TRIP11: variants seen among roughly 807,000 people sequenced by gnomAD.
TRIP11 encodes thyroid receptor-interacting protein 11.
TRIP11 carries 148 observed loss-of-function variants against 223.1 expected under a neutral mutation model. The ratio of observed to expected loss-of-function variants is 0.66; its 90% CI spans 0.58 to 0.76. The LOEUF is 0.76. TRIP11 is among the 30% of genes least tolerant of loss of function. The pLI, the probability that TRIP11 is intolerant of heterozygous loss-of-function variation, is 0.00. For synonymous variants in TRIP11, 762 were observed against 772.6 expected, an observed-to-expected ratio of 0.99 and a Z score of 0.23; for missense variants, 2,043 against 2,222.0, an observed-to-expected ratio of 0.92 and a Z score of 1.62.
intron 7 of TRIP11, among the ~76,000 whole-genome samples, chr14:92,013,050 T>C (rs942706988): frequency 2.0e-5 from 3 of 152,120 alleles, no homozygotes; most frequent in South Asian, 2.1e-4. Flanking sequence ...GGGCAGATCA[T>C]GAGGTCAAGA....
chr14:91,995,394 A>G lies in TRIP11; in HGVS notation c.5014T>C (p.Ser1672Pro), dbSNP rs756149498. 2 of 1,614,046 alleles carry G rather than the reference A, an allele frequency of 1.2e-6. No individual in the cohort carries two copies. The highest frequency in any genetic ancestry group is 1.7e-6 in the Non-Finnish European group (2 of 1,179,992). ...SQEQVKQYAL[S>P]LANLQMVLEH... ...AGTACCATCTGCAGGTTGGCCAGTG[A>G]CAGAGCATACTGCTTTACTTGTTCC... Residue 1672 changes from serine (S) to proline (P), a missense_variant, in exon 14 of 21, where the codon TCA (serine) becomes CCA (proline). Transcript: ENST00000267622.
intron 3 of TRIP11, 125 bp from the exon 4 acceptor site, chr14:92,021,956 T>A (rs1443878435): frequency 2.0e-6 from 2 of 999,206 alleles, no homozygotes; most frequent in Admixed American, 2.1e-5. Flanking sequence ...TGGTCCTCTA[T>A]CAACTGAATC....
chr14:91,994,228 T>C (rs777856947), intron 14 of TRIP11, among the ~76,000 whole-genome samples: 1 of 151,820 alleles, frequency 6.6e-6, no homozygotes, highest in Non-Finnish European at 1.5e-5. Flanking sequence ...CTCTAATAAT[T>C]ACATTATACT....
Position 91,997,175 on chromosome 14 carries a change from G to A in TRIP11, c.4893-1660C>T, listed in dbSNP as rs536647288. ...CAGTGGGTGATTGTAGGAATGAAAT[G>A]AGCTATGATGGCACTCTAGAAGTTA... On this transcript the variant is annotated intron_variant, in intron 13 of 20. Transcript: ENST00000267622. 7.2e-5 allele frequency among the ~76,000 whole-genome samples: 11 copies of A among 152,312 alleles called. No homozygotes were observed. In the East Asian group the frequency reaches 1.9e-3, roughly 27 times the overall value.
chr14:92,019,987 G>A (rs997476072), intron 4 of TRIP11, among the ~76,000 whole-genome samples: 2 of 152,108 alleles, frequency 1.3e-5, no homozygotes, highest in Non-Finnish European at 2.9e-5. Flanking sequence ...AAATCTGGCC[G>A]GATGAAGTGG....
rs778882843 is a variant in TRIP11 at position 91,978,896 on chromosome 14, T to C, written c.5261-2707A>G. ...AAAATTGCACGTGGCTCACAGTATA[T>C]TCCTACTGGACAGTACTGCTTTTAG... On this transcript the variant is annotated intron_variant, in intron 16 of 20. Transcript: ENST00000267622. The surrounding 1 kb of genome is among the most constrained non-coding windows in gnomAD (Gnocchi z 4.4). Among the ~76,000 whole-genome samples the C allele has an allele frequency of 9.2e-5, 14 of 152,202 alleles. No homozygotes were observed. The highest frequency in any genetic ancestry group is 1.3e-4 in the Admixed American group (2 of 15,276).
chr14:92,019,911 T>TG (rs148968148), intron 4 of TRIP11, among the ~76,000 whole-genome samples: 1,998 of 152,308 alleles, frequency 0.013, 28 homozygotes, highest in African/African-American at 0.045. Flanking sequence ...GTAACATAAA[T>TG]GAATTCCATG....
chr14:92,011,438 C>CCGAGAT (rs991743389), intron 8 of TRIP11, among the ~76,000 whole-genome samples: 1 of 139,812 alleles, frequency 7.2e-6, no homozygotes, highest in African/African-American at 2.8e-5. Flanking sequence ...TTGCGGAGAG[C>CCGAGAT]CGAGATCGCG....
At chr14:91,992,439 A>G (rs970540391) in intron 15 of TRIP11, among the ~76,000 whole-genome samples, 1 of 152,130 alleles carries the variant, frequency 6.6e-6, no homozygotes, top group Admixed American at 6.6e-5. Context: ...TTTTATACAT[A>G]TTATCTAAAT....
Position 92,005,112 on chromosome 14 carries a change from G to A in TRIP11, c.2864C>T (p.Thr955Ile). ...YQHEQMNATH[T>I]QLFLEKDEEI... ...CTCATCCTTCTCTAAAAAGAGCTGGGTGTGTGTGGCGTTCATTTGCTCATG... is the reference window on the plus strand; with the variant it reads ...CTCATCCTTCTCTAAAAAGAGCTGGATGTGTGTGGCGTTCATTTGCTCATG... The change falls in exon 11 of 21, where the codon ACC (threonine) becomes ATC (isoleucine). Residue 955 changes from threonine to isoleucine, a missense_variant. Transcript: ENST00000267622. 1 of 1,613,592 alleles carries A rather than the reference G, an allele frequency of 6.2e-7. No homozygotes were observed. Among genetic ancestry groups the A allele is most frequent in the Non-Finnish European group, 8.5e-7 (1 of 1,180,026 alleles).
intron 3 of TRIP11, 112 bp from the exon 4 acceptor site, chr14:92,021,943 T>G (rs2057120936): frequency 3.4e-6 from 4 of 1,183,684 alleles, no homozygotes; most frequent in Non-Finnish European, 4.8e-6. Context: ...GATTATCCAA[T>G]GATGGTCCTC....
chr14:92,011,016 T>C lies in TRIP11; in HGVS notation c.1284A>G (p.Glu428=). The C allele has an allele frequency of 6.2e-7, 1 of 1,614,046 alleles. No homozygotes were observed. The highest frequency in any genetic ancestry group is 8.5e-7 in the Non-Finnish European group (1 of 1,179,986). Residue 428 remains glutamate (E), a synonymous_variant, in exon 9 of 21, where the codon GAA becomes GAG. Coordinates refer to ENST00000267622, the MANE Select transcript of TRIP11 (RefSeq NM_004239.4). ...CTTGACTCAGTAATGACTTCTCTTT[T>C]TCTAAAACTTCGATACGCATTTTAA... ...LKLKMRIEVL[E]KEKSLLSQEK...
rs199736345 is a variant in TRIP11 at position 91,972,715 on chromosome 14, A to G, written c.5719+2T>C. On this transcript the variant is annotated splice_donor_variant, in intron 20 of 20. Coordinates refer to ENST00000267622, the MANE Select transcript of TRIP11 (RefSeq NM_004239.4). LOFTEE classifies it high-confidence loss of function. ...ATAGAAAAATTAAATCTCTAGTTTT[A>G]CCTTTAAAACTTTCTGGTGCATTTG... The G allele has an allele frequency of 2.3e-4, 377 of 1,607,476 alleles. No individual in the cohort carries two copies. Among genetic ancestry groups the G allele is most frequent in the Non-Finnish European group, 3.0e-4 (348 of 1,177,468 alleles).
At position 92,015,729 on chromosome 14, in the gene TRIP11, G is replaced by A. The variant is rs267607138; in HGVS notation, c.790C>T (p.Arg264Ter). 11 of 1,611,852 alleles carry A rather than the reference G, an allele frequency of 6.8e-6. No homozygotes were observed. Among genetic ancestry groups the A allele is most frequent in the South Asian group, 1.1e-5 (1 of 90,560 alleles). ...HREELSDYEE[R>*]IEELENLLQQ... ...AACAGATTTTCAAGTTCTTCAATTC[G>A]TTCTTCATAGTCACTTAATTCTTCT... is the stretch of plus-strand genomic sequence containing the variant. The change falls in exon 6 of 21, where the codon CGA becomes TGA. Residue 264 changes from arginine to a stop codon, truncating the protein, a stop_gained. Coordinates refer to ENST00000267622, the MANE Select transcript of TRIP11 (RefSeq NM_004239.4). LOFTEE classifies it high-confidence loss of function.
intron 4 of TRIP11, among the ~76,000 whole-genome samples, chr14:92,021,069 CAAAAAAAAAA>C (rs1195189927): frequency 1.5e-5 from 1 of 65,350 alleles, no homozygotes; most frequent in South Asian, 5.7e-4. Context: ...GACTCTGTCT[CAAAAAAAAAA>C]AAAAAAAGAA....
intron 6 of TRIP11, among the ~76,000 whole-genome samples, chr14:92,014,905 A>ATT (rs34892628): frequency 0.021 from 2,962 of 142,552 alleles, 92 homozygotes; most frequent in African/African-American, 0.071. Flanking sequence ...TTTTCACAGA[A>ATT]TTTTTTTTTT....
At chr14:91,986,170 C>G (rs1054061418) in intron 16 of TRIP11, among the ~76,000 whole-genome samples, 1 of 152,114 alleles carries the variant, frequency 6.6e-6, no homozygotes, top group East Asian at 1.9e-4. Flanking sequence ...AGTTCGTATA[C>G]GTTTACAATG....
chr14:92,015,083 T>C (rs1297395222), intron 6 of TRIP11, among the ~76,000 whole-genome samples: 2 of 151,984 alleles, frequency 1.3e-5, no homozygotes, highest in Non-Finnish European at 2.9e-5. Flanking sequence ...TTTGTATTTT[T>C]AGTAGAGACG....
At chr14:92,013,403 T>C (rs2056997698) in intron 7 of TRIP11, among the ~76,000 whole-genome samples, 1 of 152,216 alleles carries the variant, frequency 6.6e-6, no homozygotes, top group African/African-American at 2.4e-5. Context: ...ATCCCAACCC[T>C]ATAGATGAAA....
Sources: gnomAD v4.1 joint callset for allele counts (sites outside exome capture counted in the v4.1 genomes callset) on GRCh38, gnomAD v4.1.1 for gene constraint, Gnocchi (gnomAD v3.1) non-coding constraint, MANE v1.5 for transcripts, NCBI Gene and HGNC (gene_info 2026-07-23, HGNC 2026-07-21) for gene names.